Variants in NUSAP1 observed in about 807,000 individuals in gnomAD.
NUSAP1 encodes the protein nucleolar and spindle-associated protein 1.
Under a neutral mutation model 52.8 loss-of-function variants are expected in NUSAP1, and 32 were observed. The observed-to-expected ratio is 0.61, with a 90% confidence interval of 0.46 to 0.81. The LOEUF is 0.81. Among genes scored for constraint, NUSAP1 ranks in the 40% least tolerant of loss-of-function variants. The pLI, the probability that NUSAP1 is intolerant of heterozygous loss-of-function variation, is 0.00. For missense variants in NUSAP1, 499 were observed against 522.3 expected (o/e 0.96, Z 0.43); for synonymous variants, 195 against 183.1 (o/e 1.06, Z -0.52).
intron 4 of NUSAP1, among the ~76,000 whole-genome samples, chr15:41,351,380 G>A (rs972606905): frequency 1.3e-5 from 2 of 152,132 alleles, no homozygotes; most frequent in Admixed American, 1.3e-4. Context: ...GGCTGTCGAC[G>A]CTTGGTGTTC....
At chr15:41,345,374 C>CT in intron 2 of NUSAP1, 1 of 369,890 alleles carries the variant, frequency 2.7e-6, no homozygotes, top group Non-Finnish European at 5.1e-6. Context: ...GTAAAAACCC[C>CT]TGCTCCTTTT....
chr15:41,371,571 C>A lies in NUSAP1; in HGVS notation c.893C>A (p.Thr298Asn), dbSNP rs1289556643. The A allele has an allele frequency of 8.1e-6, 13 of 1,611,140 alleles. No individual in the cohort carries two copies. The highest frequency in any genetic ancestry group is 1.0e-5 in the Non-Finnish European group (12 of 1,179,166). ...GATAATGAGCATAAGCGTTCACTGA[C>A]CAAGACTCCAGCCAGAAAGTCTGCA... ...TKDNEHKRSL[T>N]KTPARKSAHV... The change falls in exon 8 of 11, where the codon ACC (threonine) becomes AAC (asparagine). Residue 298 changes from threonine (T) to asparagine (N), a missense_variant. Physicochemically the swap from Thr to Asn is moderately conservative, Grantham distance 65. Coordinates refer to ENST00000559596, the MANE Select transcript of NUSAP1 (RefSeq NM_016359.5).
chr15:41,355,149 C>T (rs2048918445), intron 4 of NUSAP1, among the ~76,000 whole-genome samples: 1 of 151,004 alleles, frequency 6.6e-6, no homozygotes, highest in Non-Finnish European at 1.5e-5. Context: ...TGCACCTGGC[C>T]AACTTTCTGT....
chr15:41,341,031 G>A (rs917833114), intron 1 of NUSAP1, among the ~76,000 whole-genome samples: 1 of 152,098 alleles, frequency 6.6e-6, no homozygotes, highest in Non-Finnish European at 1.5e-5. Flanking sequence ...ATGGCTGGGT[G>A]GAAGAGGAAG....
chr15:41,333,993 TTTG>T (rs2048021163), intron 1 of NUSAP1, among the ~76,000 whole-genome samples: 1 of 152,230 alleles, frequency 6.6e-6, no homozygotes, highest in Non-Finnish European at 1.5e-5. Context: ...TTTTATATAT[TTTG>T]TTAATAGTTG....
At chr15:41,355,342 T>C (rs1280645009) in intron 4 of NUSAP1, among the ~76,000 whole-genome samples, 1 of 151,236 alleles carries the variant, frequency 6.6e-6, no homozygotes, top group East Asian at 2.0e-4. Context: ...CCAGCTCATT[T>C]TTGTATTTTT....
intron 4 of NUSAP1, among the ~76,000 whole-genome samples, chr15:41,354,375 C>A: frequency 6.6e-6 from 1 of 151,982 alleles, no homozygotes; most frequent in East Asian, 1.9e-4. Context: ...TGTGGTAGCT[C>A]ACACTTGTAA....
chr15:41,356,805 A>G (rs1372389343), intron 5 of NUSAP1, among the ~76,000 whole-genome samples: 2 of 152,178 alleles, frequency 1.3e-5, no homozygotes, highest in Non-Finnish European at 2.9e-5. Flanking sequence ...TCCACCTTCT[A>G]ATGAGTTTTT....
chr15:41,375,575 T>G, intron 8 of NUSAP1, 137 bp from the exon 9 acceptor site: 1 of 603,858 alleles, frequency 1.7e-6, no homozygotes, highest in Non-Finnish European at 3.0e-6. Context: ...CCTCCCAAAG[T>G]GCTGGGATTA....
At chr15:41,347,768 C>A (rs1157447076) in intron 2 of NUSAP1, among the ~76,000 whole-genome samples, 1 of 149,414 alleles carries the variant, frequency 6.7e-6, no homozygotes, top group South Asian at 2.1e-4. Flanking sequence ...GAGCCAAGAT[C>A]ATGCCACTGC....
intron 2 of NUSAP1, among the ~76,000 whole-genome samples, chr15:41,346,837 A>AAAT (rs1242838120): frequency 3.7e-5 from 1 of 27,238 alleles, no homozygotes; most frequent in Non-Finnish European, 8.2e-5. Flanking sequence ...AAAAATAAAT[A>AAAT]AATAAATAAA....
At chr15:41,346,238 G>C (rs1287400061) in intron 2 of NUSAP1, among the ~76,000 whole-genome samples, 2 of 151,894 alleles carry the variant, frequency 1.3e-5, no homozygotes, top group Admixed American at 6.6e-5. Context: ...ACCACACCCA[G>C]CCAGTCCTTC....
At chr15:41,355,989 A>T in intron 4 of NUSAP1, 50 bp from the exon 5 acceptor site, 1 of 1,219,570 alleles carries the variant, frequency 8.2e-7, no homozygotes, top group Non-Finnish European at 1.2e-6. Flanking sequence ...CATATTTCTT[A>T]ATGAGAACTT....
chr15:41,335,723 C>T (rs867471927), intron 1 of NUSAP1, among the ~76,000 whole-genome samples: 1 of 141,038 alleles, frequency 7.1e-6, no homozygotes, highest in Non-Finnish European at 1.5e-5. Context: ...ACTAAATATA[C>T]TATATTTATA....
At chr15:41,357,336 G>A (rs1567057123) in intron 5 of NUSAP1, among the ~76,000 whole-genome samples, 2 of 151,788 alleles carry the variant, frequency 1.3e-5, no homozygotes, top group Non-Finnish European at 2.9e-5. Context: ...CCATTGCACT[G>A]TAGCCTGGGC....
intron 2 of NUSAP1, among the ~76,000 whole-genome samples, chr15:41,347,813 CAAAA>C (rs374551463): frequency 7.3e-5 from 7 of 95,590 alleles, no homozygotes; most frequent in Non-Finnish European, 7.0e-5. Context: ...GACTCCGTCT[CAAAA>C]AAAAAAAAAA....
intron 7 of NUSAP1, among the ~76,000 whole-genome samples, chr15:41,370,189 G>A (rs1185338105): frequency 6.6e-6 from 1 of 151,088 alleles, no homozygotes; most frequent in African/African-American, 2.4e-5. Flanking sequence ...AGACCATCCT[G>A]GCTAACACAG....
At position 41,350,582 on chromosome 15, in the gene NUSAP1, G is replaced by A. The variant is rs1242872004; in HGVS notation, c.307-406G>A. Among the ~76,000 whole-genome samples, 12 of 152,214 alleles carry A rather than the reference G, an allele frequency of 7.9e-5. No individual in the cohort carries two copies. The South Asian group carries it at 2.5e-3, about 32-fold the overall frequency. On this transcript the variant is annotated intron_variant, in intron 3 of 10. Coordinates refer to ENST00000559596, the MANE Select transcript of NUSAP1 (RefSeq NM_016359.5). ...AACTGTCTTCAAAGTGAGCTACTAGGCAGAGGAAAACTTGTTCTTTTCTTT... is the reference window on the plus strand; with the variant it reads ...AACTGTCTTCAAAGTGAGCTACTAGACAGAGGAAAACTTGTTCTTTTCTTT...
At chr15:41,343,080 C>A (rs1331625456) in intron 2 of NUSAP1, 2 of 152,142 alleles carry the variant, frequency 1.3e-5, no homozygotes, top group Non-Finnish European at 2.9e-5. Flanking sequence ...TCAGAAACAC[C>A]TTGGTCAAGT....
Sources: gnomAD v4.1 joint callset for allele counts (sites outside exome capture counted in the v4.1 genomes callset) on GRCh38, gnomAD v4.1.1 for gene constraint, MANE v1.5 for transcripts, NCBI Gene and HGNC (gene_info 2026-07-23, HGNC 2026-07-21) for gene names.